CACNG4: variants seen among roughly 807,000 people sequenced by gnomAD.
CACNG4 encodes the protein voltage-dependent calcium channel gamma-4 subunit.
In CACNG4, 8 loss-of-function variants were observed where a neutral mutation model predicts 22.9. That is an observed-to-expected ratio of 0.35 (90% CI 0.21 to 0.63). The LOEUF (loss-of-function observed/expected upper bound fraction) is 0.63, where lower values mean the gene tolerates loss of function less well. CACNG4 is among the 30% of genes least tolerant of loss of function. CACNG4 has a pLI of 0.72. For synonymous variants in CACNG4, 188 were observed against 191.9 expected, an observed-to-expected ratio of 0.98 and a Z score of 0.17; for missense variants, 357 against 455.4, an observed-to-expected ratio of 0.78 and a Z score of 1.97.
At position 67,030,153 on chromosome 17, in the gene CACNG4, GT is replaced by G. The variant is rs35645627; in HGVS notation, c.446-312del. Among the ~76,000 whole-genome samples, 61,865 of 108,618 alleles carry G rather than the reference GT, an allele frequency of 0.57. 14,019 individuals carry two copies. The highest frequency in any genetic ancestry group is 0.82 in the East Asian group (3,996 of 4,898). The allele number at this position is 108,618 out of a possible 152,430, so 71.3% of individuals were successfully genotyped here. ...GTACTGTGCAAAGGAAATAATAGGG[GT>G]GTGTGTGTGTGTGTGTGTGAAGAGA... On this transcript the variant is annotated intron_variant, in intron 3 of 3. Coordinates refer to ENST00000262138, the MANE Select transcript of CACNG4 (RefSeq NM_014405.4). This position sits in a 1 kb window ranked among gnomAD's most constrained non-coding sequence, Gnocchi z 6.4.
intron 1 of CACNG4, among the ~76,000 whole-genome samples, chr17:66,985,969 GAAGAA>G (rs2035303442): frequency 3.3e-5 from 5 of 152,216 alleles, no homozygotes; most frequent in South Asian, 4.1e-4. Context: ...AGAAGAAGAA[GAAGAA>G]GGTTCCAGAC....
chr17:66,986,112 G>C (rs2035304441), intron 1 of CACNG4, among the ~76,000 whole-genome samples: 1 of 152,246 alleles, frequency 6.6e-6, no homozygotes, highest in South Asian at 2.1e-4. Flanking sequence ...ATTGTTCCCG[G>C]ATGCCTAAGA....
At position 67,022,099 on chromosome 17, in the gene CACNG4, G is replaced by A. The variant is rs369864376; in HGVS notation, c.305-2761G>A. 3.6e-3 allele frequency among the ~76,000 whole-genome samples: 516 copies of A among 144,430 alleles called. 1 individual carries two copies. Among genetic ancestry groups the A allele is most frequent in the African/African-American group, 0.012 (486 of 39,312 alleles). 94.8% of individuals were successfully genotyped at this position (144,430 alleles called of 152,430 possible). Reference sequence around the variant, plus strand: ...GGCTTTTTTTTTTTTTTTTTAAGACGGAGTCTCGCTCTGCTGCCTAGGCTG... The same window carrying A: ...GGCTTTTTTTTTTTTTTTTTAAGACAGAGTCTCGCTCTGCTGCCTAGGCTG... On this transcript the variant is annotated intron_variant, in intron 2 of 3. Transcript: ENST00000262138.
intron 1 of CACNG4, among the ~76,000 whole-genome samples, chr17:66,983,696 G>A (rs1474977013): frequency 2.6e-5 from 4 of 152,166 alleles, no homozygotes; most frequent in Non-Finnish European, 5.9e-5. Context: ...CATTCTGCTC[G>A]AGACAGATCC....
chr17:66,999,637 C>A (rs1221678649), intron 1 of CACNG4, among the ~76,000 whole-genome samples: 1 of 152,154 alleles, frequency 6.6e-6, no homozygotes. Context: ...CACTCACTAT[C>A]AGGAGAACAC....
At chr17:66,975,087 G>A (rs2035228279) in intron 1 of CACNG4, among the ~76,000 whole-genome samples, 1 of 152,164 alleles carries the variant, frequency 6.6e-6, no homozygotes, top group South Asian at 2.1e-4. Context: ...GGGAAATGCT[G>A]TTTAACTGCC....
At chr17:67,029,459 G>A (rs962090448) in intron 3 of CACNG4, among the ~76,000 whole-genome samples, 3 of 137,614 alleles carry the variant, frequency 2.2e-5, no homozygotes, top group Admixed American at 7.4e-5. Context: ...ATAAAATCCC[G>A]TCTCTACTAA....
At position 67,030,575 on chromosome 17, in the gene CACNG4, T is replaced by C; in HGVS notation, c.555T>C (p.Phe185=). ...ACCATTACAACTACGGCTGGTCTTT[T>C]TACTTTGGAGCTCTGTCTTTCATTG... ...KKNHYNYGWS[F]YFGALSFIVA... Residue 185 remains phenylalanine, a synonymous_variant, in exon 4 of 4, where the codon TTT becomes TTC. Coordinates refer to ENST00000262138, the MANE Select transcript of CACNG4 (RefSeq NM_014405.4). This position sits in a 1 kb window ranked among gnomAD's most constrained non-coding sequence, Gnocchi z 6.4. 2 of 1,614,220 alleles carry C rather than the reference T, an allele frequency of 1.2e-6. No individual in the cohort carries two copies. Among genetic ancestry groups the C allele is most frequent in the Non-Finnish European group, 1.7e-6 (2 of 1,180,038 alleles).
chr17:66,987,991 G>A, intron 1 of CACNG4, among the ~76,000 whole-genome samples: 1 of 152,062 alleles, frequency 6.6e-6, no homozygotes, highest in Non-Finnish European at 1.5e-5. Flanking sequence ...AAAGGAGGCA[G>A]AGTGGGAGCC....
chr17:67,020,483 G>C (rs1005758022), intron 2 of CACNG4, among the ~76,000 whole-genome samples: 1 of 152,226 alleles, frequency 6.6e-6, no homozygotes, highest in Non-Finnish European at 1.5e-5. Context: ...GATGCACATG[G>C]AAGAGACAGC....
intron 2 of CACNG4, among the ~76,000 whole-genome samples, chr17:67,018,634 G>A (rs1179223889): frequency 1.3e-5 from 2 of 152,146 alleles, no homozygotes; most frequent in Non-Finnish European, 2.9e-5. Context: ...GCTCTGCCCA[G>A]GCTGGGCCTC....
At chr17:66,981,398 C>T (rs1265981454) in intron 1 of CACNG4, among the ~76,000 whole-genome samples, 1 of 152,166 alleles carries the variant, frequency 6.6e-6, no homozygotes, top group African/African-American at 2.4e-5. Flanking sequence ...CCCTTAATAG[C>T]CCTTCATATT....
In CACNG4 at chr17:66,988,307, C is replaced by T. The variant is rs757697313; in HGVS notation, c.220+23176C>T. The stretch of plus-strand genomic sequence containing the variant: ...GTCTGCTCCAGGGTGTCCTGTGACT[C>T]GGCCAGTCCGGTCATCAGAACTATT... On this transcript the variant is annotated intron_variant, in intron 1 of 3. Transcript: ENST00000262138. Among the ~76,000 whole-genome samples, 65 of 152,192 alleles carry T rather than the reference C, an allele frequency of 4.3e-4. 1 individual carries two copies. Among genetic ancestry groups the T allele is most frequent in the Admixed American group, 7.2e-4 (11 of 15,292 alleles).
intron 1 of CACNG4, among the ~76,000 whole-genome samples, chr17:66,965,837 C>T (rs573294882): frequency 6.6e-6 from 1 of 152,162 alleles, no homozygotes; most frequent in Admixed American, 6.5e-5. Context: ...CCGGCCCGCT[C>T]CTCGCTGTGC....
At chr17:66,988,769 G>C (rs1285874278) in intron 1 of CACNG4, among the ~76,000 whole-genome samples, 1 of 152,136 alleles carries the variant, frequency 6.6e-6, no homozygotes, top group Non-Finnish European at 1.5e-5. Context: ...CGTTGAAAAG[G>C]CAAAGGAGGC....
In CACNG4 at chr17:66,969,338, C is replaced by T. The variant is rs150461263; in HGVS notation, c.220+4207C>T. On this transcript the variant is annotated intron_variant, in intron 1 of 3. Coordinates refer to ENST00000262138, the MANE Select transcript of CACNG4 (RefSeq NM_014405.4). ...AAGAGAAGGGTCCTGGCGCCTCAGC[C>T]GTGCCCCTCCCCCAACCTGATGGAG... 3.6e-3 allele frequency among the ~76,000 whole-genome samples: 546 copies of T among 152,328 alleles called. 7 individuals are homozygous for T. Among genetic ancestry groups the T allele is most frequent in the African/African-American group, 0.012 (505 of 41,572 alleles).
At chr17:67,028,087 CA>C (rs1180288255) in intron 3 of CACNG4, among the ~76,000 whole-genome samples, 1 of 152,064 alleles carries the variant, frequency 6.6e-6, no homozygotes, top group African/African-American at 2.4e-5. Flanking sequence ...AGGGTTCTTA[CA>C]GAACACAACA....
chr17:66,967,733 G>A (rs1423900302), intron 1 of CACNG4, among the ~76,000 whole-genome samples: 1 of 152,218 alleles, frequency 6.6e-6, no homozygotes. Context: ...ACTGCAGCAG[G>A]CAGCTAATAA....
chr17:67,030,042 AG>A lies in CACNG4; in HGVS notation c.446-423del, dbSNP rs1327220256. 2.6e-5 allele frequency among the ~76,000 whole-genome samples: 4 copies of A among 152,246 alleles called. No individual in the cohort carries two copies. The highest frequency in any genetic ancestry group is 4.4e-5 in the Non-Finnish European group (3 of 68,044). ...ACTTCTGTATGGCGGTGCCGCACGT[AG>A]TTAGAAAGACAGGGATGGCTCTCCA... On this transcript the variant is annotated intron_variant, in intron 3 of 3. Transcript: ENST00000262138. The surrounding 1 kb of genome is among the most constrained non-coding windows in gnomAD (Gnocchi z 6.4).
Sources: gnomAD v4.1 joint callset for allele counts (sites outside exome capture counted in the v4.1 genomes callset) on GRCh38, gnomAD v4.1.1 for gene constraint, Gnocchi (gnomAD v3.1) non-coding constraint, MANE v1.5 for transcripts, NCBI Gene and HGNC (gene_info 2026-07-23, HGNC 2026-07-21) for gene names.